Variants in HDAC9 observed in about 807,000 individuals in gnomAD.
HDAC9 encodes the protein histone deacetylase 9.
HDAC9 carries 41 observed loss-of-function variants against 139.4 expected under a neutral mutation model. The observed-to-expected ratio is 0.29, with a 90% CI of 0.23 to 0.38. HDAC9 has a LOEUF of 0.38. Among genes scored for constraint, HDAC9 ranks in the 10% least tolerant of loss-of-function variants. The pLI is 1.00. For missense variants in HDAC9, 1,147 were observed against 1,297.0 expected (o/e 0.88, Z 1.78); for synonymous variants, 517 against 476.2 (o/e 1.09, Z -1.12).
chr7:18,274,226 G>A lies in HDAC9; in HGVS notation c.25+111877G>A, dbSNP rs73682111. 5.9e-3 allele frequency among the ~76,000 whole-genome samples: 904 copies of A among 152,196 alleles called. 10 individuals carry two copies. Among genetic ancestry groups the A allele is most frequent in the African/African-American group, 0.021 (856 of 41,532 alleles). On this transcript the variant is annotated intron_variant, in intron 2 of 12. Transcript: ENST00000417496. ...TTGCTCTAACAGATTACCTGAGGCTGGATAATTTATTTTTAAAAATAGTTT... is the reference window on the plus strand; with the variant it reads ...TTGCTCTAACAGATTACCTGAGGCTAGATAATTTATTTTTAAAAATAGTTT...
intron 21 of HDAC9, among the ~76,000 whole-genome samples, chr7:18,850,427 T>C (rs769503181): frequency 6.6e-6 from 1 of 152,102 alleles, no homozygotes; most frequent in Non-Finnish European, 1.5e-5. Context: ...TAGGGGAGGA[T>C]TCTTCCCTGG....
rs552305016 is a variant in HDAC9, at chr7:18,253,993, G to A, written c.25+91644G>A. 4.0e-4 allele frequency among the ~76,000 whole-genome samples: 61 copies of A among 152,334 alleles called. 1 individual carries two copies. Among genetic ancestry groups the A allele is most frequent in the Middle Eastern group, 3.4e-3 (1 of 294 alleles). On this transcript the variant is annotated intron_variant, in intron 2 of 12. Transcript: ENST00000417496. ...CTTTGCTGGGGAGGAAAAGAAAACA[G>A]AGTTTTGAAACATGCAGCACTGCTT...
chr7:18,984,296 G>C (rs1299496744), intron 25 of HDAC9, among the ~76,000 whole-genome samples: 1 of 152,100 alleles, frequency 6.6e-6, no homozygotes, highest in Non-Finnish European at 1.5e-5. Flanking sequence ...TGCAAACTTT[G>C]GGAAAGGAAA....
At chr7:18,231,874 G>A (rs1360400323) in intron 2 of HDAC9, among the ~76,000 whole-genome samples, 1 of 151,984 alleles carries the variant, frequency 6.6e-6, no homozygotes, top group African/African-American at 2.4e-5. Flanking sequence ...TTATCCTTTG[G>A]TACAAAGAAA....
chr7:18,557,981 AAAC>A (rs1819399344), intron 2 of HDAC9, among the ~76,000 whole-genome samples: 2 of 152,126 alleles, frequency 1.3e-5, no homozygotes, highest in Non-Finnish European at 2.9e-5. Context: ...TAAAGACTTT[AAAC>A]ATTTTTAAAA....
At chr7:18,292,872 G>T (rs1184734011) in intron 1 of HDAC9, among the ~76,000 whole-genome samples, 2 of 152,126 alleles carry the variant, frequency 1.3e-5, no homozygotes, top group African/African-American at 4.8e-5. Context: ...GACTTGAAGT[G>T]CTTTATCTTT....
chr7:18,974,165 A>G (rs571354305), intron 24 of HDAC9, among the ~76,000 whole-genome samples: 2 of 152,312 alleles, frequency 1.3e-5, no homozygotes, highest in East Asian at 3.9e-4. Flanking sequence ...CCTTCCAGGG[A>G]TATCCCATGA....
intron 1 of HDAC9, among the ~76,000 whole-genome samples, chr7:18,099,211 G>A (rs2128068561): frequency 6.6e-6 from 1 of 152,294 alleles, no homozygotes; most frequent in East Asian, 1.9e-4. Flanking sequence ...TGTAATCCCA[G>A]CACTTTGGGA....
chr7:18,594,106 G>A, intron 6 of HDAC9, 77 bp downstream of exon 6: 1 of 1,504,038 alleles, frequency 6.6e-7, no homozygotes, highest in Non-Finnish European at 9.2e-7. Flanking sequence ...ACCTCTAGAA[G>A]AAAGTCAAAG....
At chr7:18,284,825 T>A (rs1312490200) in intron 2 of HDAC9, among the ~76,000 whole-genome samples, 1 of 152,146 alleles carries the variant, frequency 6.6e-6, no homozygotes, top group East Asian at 1.9e-4. Context: ...ACTCTTACTG[T>A]TGTCCCAGGT....
chr7:18,535,980 C>G (rs931839944), intron 2 of HDAC9, among the ~76,000 whole-genome samples: 3 of 152,146 alleles, frequency 2.0e-5, no homozygotes, highest in Non-Finnish European at 4.4e-5. Context: ...CCACTCAAAC[C>G]TCCCAGGGCT....
intron 2 of HDAC9, among the ~76,000 whole-genome samples, chr7:18,544,330 A>G (rs1814026332): frequency 6.6e-6 from 1 of 152,172 alleles, no homozygotes; most frequent in African/African-American, 2.4e-5. Context: ...CAATAATTGG[A>G]TGGATTTTGG....
intron 17 of HDAC9, among the ~76,000 whole-genome samples, chr7:18,803,274 A>G (rs1315881457): frequency 6.6e-6 from 1 of 152,122 alleles, no homozygotes. Context: ...AGCAATAGTC[A>G]TGTCCTAACT....
At chr7:18,712,386 C>A (rs1449719350) in intron 12 of HDAC9, among the ~76,000 whole-genome samples, 1 of 152,182 alleles carries the variant, frequency 6.6e-6, no homozygotes, top group Admixed American at 6.5e-5. Context: ...AAACAAACAG[C>A]AGTGCATAGA....
chr7:18,547,396 C>T (rs542298290), intron 2 of HDAC9, among the ~76,000 whole-genome samples: 3 of 152,276 alleles, frequency 2.0e-5, no homozygotes, highest in East Asian at 1.9e-4. Context: ...CAACCCCGCC[C>T]GGCTAATCTT....
intron 1 of HDAC9, among the ~76,000 whole-genome samples, chr7:18,349,307 T>TACACACACACACACACACAC (rs3138825): frequency 8.0e-6 from 1 of 125,740 alleles, no homozygotes; most frequent in African/African-American, 3.2e-5. Flanking sequence ...TGAGAACATC[T>TACACACACACACACACACAC]ACACACACAC....
chr7:18,544,874 C>T (rs202128460), intron 2 of HDAC9, among the ~76,000 whole-genome samples: 5 of 152,350 alleles, frequency 3.3e-5, no homozygotes, highest in African/African-American at 1.2e-4. Context: ...TTATCTGTTT[C>T]TTCCAGGAAA....
chr7:18,527,171 T>G (rs1448608678), intron 2 of HDAC9, among the ~76,000 whole-genome samples: 1 of 152,100 alleles, frequency 6.6e-6, no homozygotes, highest in East Asian at 1.9e-4. Flanking sequence ...GGAAGAACAC[T>G]AAGAGAAAGG....
intron 2 of HDAC9, among the ~76,000 whole-genome samples, chr7:18,547,030 C>A (rs1476875191): frequency 1.3e-5 from 2 of 152,040 alleles, no homozygotes; most frequent in Non-Finnish European, 2.9e-5. Context: ...GTTATGTTTA[C>A]TCTACAGTGT....
Sources: allele counts gnomAD v4.1 joint callset (sites outside exome capture counted in the v4.1 genomes callset), GRCh38; gene constraint gnomAD v4.1.1; transcripts MANE v1.5; gene names NCBI Gene and HGNC (gene_info 2026-07-23, HGNC 2026-07-21).